TMEM132B: variants seen among roughly 807,000 people sequenced by gnomAD.
The protein encoded by TMEM132B is transmembrane protein 132B.
In TMEM132B, 18 loss-of-function variants were observed where a neutral mutation model predicts 90.8. That is an observed-to-expected ratio of 0.20 (90% CI 0.14 to 0.29). TMEM132B has a LOEUF of 0.29. Among genes scored for constraint, TMEM132B ranks in the 10% least tolerant of loss-of-function variants. TMEM132B has a pLI of 1.00. For synonymous variants in TMEM132B, 504 were observed against 523.3 expected, an observed-to-expected ratio of 0.96 and a Z score of 0.50; for missense variants, 1,096 against 1,326.8, an observed-to-expected ratio of 0.83 and a Z score of 2.70.
At position 125,498,390 on chromosome 12, in the gene TMEM132B, C is replaced by T. The variant is rs1882612618; in HGVS notation, c.1107-21049C>T. Among the ~76,000 whole-genome samples the T allele has an allele frequency of 6.6e-6, 1 of 152,320 alleles. No homozygotes were observed. The highest frequency in any genetic ancestry group is 1.5e-5 in the Non-Finnish European group (1 of 68,026). On this transcript the variant is annotated intron_variant, in intron 3 of 8. Transcript: ENST00000682704. This position sits in a 1 kb window ranked among gnomAD's most constrained non-coding sequence, Gnocchi z 4.5. Reference sequence around the variant, plus strand: ...AGGGTGTGGAGAAAATCACACACAGCATCCTTTGCTGCCCCCTTCACTTGC... The same window carrying T: ...AGGGTGTGGAGAAAATCACACACAGTATCCTTTGCTGCCCCCTTCACTTGC...
In TMEM132B at chr12:125,616,159, A is replaced by G. The variant is rs917997320; in HGVS notation, c.1438-27917A>G. 6.6e-5 allele frequency among the ~76,000 whole-genome samples: 9 copies of G among 135,604 alleles called. No homozygotes were observed. In the East Asian group the frequency reaches 1.1e-3, roughly 17 times the overall value. 89.0% of individuals were successfully genotyped at this position (135,604 alleles called of 152,430 possible). ...TGTGTCCACGTGTTCTCATTGTTCA[A>G]TTCCCACCTATGAGTGAGAACATGC... On this transcript the variant is annotated intron_variant, in intron 5 of 8. Transcript: ENST00000682704.
chr12:125,200,455 A>G (rs1873029826), intron 1 of TMEM132B, among the ~76,000 whole-genome samples: 1 of 152,162 alleles, frequency 6.6e-6, no homozygotes, highest in Non-Finnish European at 1.5e-5. Context: ...TACATACAGA[A>G]CTACCTCATT....
At chr12:125,291,327 G>A (rs1231740404) in intron 1 of TMEM132B, among the ~76,000 whole-genome samples, 1 of 152,200 alleles carries the variant, frequency 6.6e-6, no homozygotes, top group Non-Finnish European at 1.5e-5. Flanking sequence ...TGAGTGTGTG[G>A]TACTTTGTTA....
In TMEM132B at chr12:125,654,915, T is replaced by C. The variant is rs1385210156; in HGVS notation, c.*205T>C. 2 of 579,144 alleles carry C rather than the reference T, an allele frequency of 3.5e-6. No homozygotes were observed. Among genetic ancestry groups the C allele is most frequent in the Non-Finnish European group, 5.9e-6 (2 of 337,278 alleles). 35.9% of individuals were successfully genotyped at this position (579,144 alleles called of 1,614,324 possible). ...GAAATGCCTCTAAAACAGCCACATG[T>C]GGGGACTGGAGAAATTCTAAGACAA... On this transcript the variant is annotated 3_prime_UTR_variant, in exon 9 of 9. Coordinates refer to ENST00000682704, the MANE Select transcript of TMEM132B (RefSeq NM_001366854.1). This position sits in a 1 kb window ranked among gnomAD's most constrained non-coding sequence, Gnocchi z 5.8.
Position 125,644,171 on chromosome 12 carries a change from C to A in TMEM132B, c.1533C>A (p.Ser511=), listed in dbSNP as rs1886700136. 6.2e-7 allele frequency: 1 copy of A among 1,614,080 alleles called. No homozygotes were observed. Among genetic ancestry groups the A allele is most frequent in the Admixed American group, 1.7e-5 (1 of 60,008 alleles). ...ACTTCACCCACCAGCACTTCACCTC[C>A]CAGTTCGAGGTCACTGTCTGGGCAC... The part of the protein sequence containing the change: ...IVNFTHQHFT[S]QFEVTVWAPR... The change falls in exon 6 of 9, where the codon TCC becomes TCA. Residue 511 remains serine, a synonymous_variant. Transcript: ENST00000682704.
intron 5 of TMEM132B, among the ~76,000 whole-genome samples, chr12:125,611,792 T>G (rs1358259628): frequency 6.6e-6 from 1 of 152,176 alleles, no homozygotes; most frequent in African/African-American, 2.4e-5. Context: ...TTTAACTTAT[T>G]TAAATTAACT....
chr12:125,263,711 G>A (rs1874622432), intron 1 of TMEM132B, among the ~76,000 whole-genome samples: 1 of 152,210 alleles, frequency 6.6e-6, no homozygotes, highest in Non-Finnish European at 1.5e-5. Flanking sequence ...CTCCAAACCG[G>A]AAGTCAGATG....
intron 4 of TMEM132B, among the ~76,000 whole-genome samples, chr12:125,528,095 C>A (rs560138765): frequency 6.6e-6 from 1 of 152,174 alleles, no homozygotes; most frequent in Admixed American, 6.5e-5. Flanking sequence ...CGTCTTTTTG[C>A]CCCCTCTCCG....
At chr12:125,229,629 C>T (rs1383708930) in intron 1 of TMEM132B, among the ~76,000 whole-genome samples, 6 of 152,218 alleles carry the variant, frequency 3.9e-5, no homozygotes, top group Non-Finnish European at 8.8e-5. Flanking sequence ...ATTGACTCAG[C>T]ACTGAAAAAA....
rs1406064744 is a variant in TMEM132B, at chr12:125,658,959, G to A, written c.*4249G>A. The A allele has an allele frequency of 6.6e-6, 1 of 152,094 alleles. No individual in the cohort carries two copies. Among genetic ancestry groups the A allele is most frequent in the African/African-American group, 2.4e-5 (1 of 41,438 alleles). The allele number at this position is 152,094 out of a possible 1,614,324, so 9.4% of individuals were successfully genotyped here. On this transcript the variant is annotated 3_prime_UTR_variant, in exon 9 of 9. Coordinates refer to ENST00000682704, the MANE Select transcript of TMEM132B (RefSeq NM_001366854.1). ...TTTCTGGAAATATTTCGGAAATAAA[G>A]TGACTTCATTTTTCAGCATAAAAGT...
At chr12:125,541,225 C>T (rs183031055) in intron 4 of TMEM132B, among the ~76,000 whole-genome samples, 13 of 152,302 alleles carry the variant, frequency 8.5e-5, no homozygotes, top group Admixed American at 5.2e-4. Context: ...ATCTTTCGCA[C>T]CTGGAACAGC....
intron 4 of TMEM132B, among the ~76,000 whole-genome samples, chr12:125,542,239 G>A (rs1883978112): frequency 2.0e-5 from 3 of 152,138 alleles, no homozygotes; most frequent in Admixed American, 2.0e-4. Context: ...GCTCAACAAT[G>A]TCTTTCTTCA....
chr12:125,514,886 C>A (rs1883069033), intron 3 of TMEM132B, among the ~76,000 whole-genome samples: 1 of 152,164 alleles, frequency 6.6e-6, no homozygotes, highest in African/African-American at 2.4e-5. Flanking sequence ...TTCTCCTCCT[C>A]CTCCTCCTCC....
intron 5 of TMEM132B, among the ~76,000 whole-genome samples, chr12:125,589,278 C>A (rs189482317): frequency 5.3e-5 from 8 of 151,906 alleles, no homozygotes; most frequent in South Asian, 2.1e-4. Context: ...GTCAGGAGAT[C>A]GAGACCATCC....
intron 4 of TMEM132B, among the ~76,000 whole-genome samples, chr12:125,576,121 TTTTA>T (rs1335402708): frequency 6.6e-6 from 1 of 152,094 alleles, no homozygotes; most frequent in Non-Finnish European, 1.5e-5. Flanking sequence ...GTAGGATACA[TTTTA>T]TTTATTTATT....
rs947955538 is a variant in TMEM132B, at chr12:125,656,442, G to A, written c.*1732G>A. On this transcript the variant is annotated 3_prime_UTR_variant, in exon 9 of 9. Transcript: ENST00000682704. ...CTAGCCATGACGTGGCAGCCAAAAA[G>A]TTCTTCCTGTATCTCTGGCCCACAG... The A allele has an allele frequency of 1.3e-5, 2 of 152,250 alleles. No individual in the cohort carries two copies. Among genetic ancestry groups the A allele is most frequent in the Admixed American group, 6.6e-5 (1 of 15,264 alleles). 9.4% of individuals were successfully genotyped at this position (152,250 alleles called of 1,614,324 possible). A position where few individuals can be genotyped will look rare whatever the true frequency, so the allele number is the denominator to read the frequency against.
chr12:125,474,056 T>TTTTCCTTTCCTTTCCTTTCC lies in TMEM132B; in HGVS notation c.1107-45360_1107-45341dup, dbSNP rs113319203. On this transcript the variant is annotated intron_variant, in intron 3 of 8. Transcript: ENST00000682704. Reference sequence around the variant, plus strand: ...CTTCCTTCCTTCCTTCCTTCTTTCTTTTTCCTTTCCTTTCCTTTCCTTTCC... The same window carrying TTTTCCTTTCCTTTCCTTTCC: ...CTTCCTTCCTTCCTTCCTTCTTTCTTTTTCCTTTCCTTTCCTTTCCTTTCCTTTCCTTTCCTTTCCTTTCC... Among the ~76,000 whole-genome samples the TTTTCCTTTCCTTTCCTTTCC allele has an allele frequency of 3.2e-3, 416 of 129,474 alleles. 4 individuals are homozygous for TTTTCCTTTCCTTTCCTTTCC. The highest frequency in any genetic ancestry group is 0.015 in the East Asian group (67 of 4,392). 84.9% of individuals were successfully genotyped at this position (129,474 alleles called of 152,430 possible).
chr12:125,403,683 A>C (rs966191130), intron 2 of TMEM132B, among the ~76,000 whole-genome samples: 14 of 152,238 alleles, frequency 9.2e-5, no homozygotes, highest in Non-Finnish European at 7.3e-5. Context: ...TTTAAGAGAG[A>C]GGAAAATGTC....
At chr12:125,352,891 T>G (rs1167306642) in intron 2 of TMEM132B, among the ~76,000 whole-genome samples, 1 of 152,216 alleles carries the variant, frequency 6.6e-6, no homozygotes, top group Non-Finnish European at 1.5e-5. Flanking sequence ...AAGATTCTAT[T>G]TGGAGCCTCT....
Sources: allele counts gnomAD v4.1 joint callset (sites outside exome capture counted in the v4.1 genomes callset), GRCh38; gene constraint gnomAD v4.1.1; non-coding constraint Gnocchi (gnomAD v3.1); transcripts MANE v1.5; gene names NCBI Gene and HGNC (gene_info 2026-07-23, HGNC 2026-07-21).